The following VKORC1 variants were observed in gnomAD, a reference collection of about 807,000 sequenced individuals.
VKORC1 encodes vitamin K epoxide reductase complex subunit 1, also known as phylloquinone epoxide reductase.
VKORC1 carries 12 observed loss-of-function variants against 14.8 expected under a neutral mutation model. The observed-to-expected ratio is 0.81, with a 90% CI of 0.52 to 1.31. The LOEUF (loss-of-function observed/expected upper bound fraction) is 1.31. VKORC1 is among the 50% of genes most tolerant of loss of function. VKORC1 has a pLI of 0.00. For missense variants in VKORC1, 223 were observed against 215.3 expected, an observed-to-expected ratio of 1.04 and a Z score of -0.22; for synonymous variants, 94 against 92.5, an observed-to-expected ratio of 1.02 and a Z score of -0.09.
At chr16:31,094,500 A>G (rs1291242225) in intron 1 of VKORC1, 57 bp downstream of exon 1, 1 of 1,612,780 alleles carries the variant, frequency 6.2e-7, no homozygotes, top group Non-Finnish European at 8.5e-7. Flanking sequence ...CAGAATAATC[A>G]TCTGGCATCC....
rs767508384 is a variant in VKORC1, at chr16:31,094,712, C to T, written c.18G>A (p.Gly6=). The T allele has an allele frequency of 1.4e-5, 22 of 1,606,636 alleles. No homozygotes were observed. The highest frequency in any genetic ancestry group is 5.0e-5 in the Admixed American group (3 of 59,442). MGSTW[G]SPGWVRLALC... is the part of the protein sequence containing the mutation. ...GAGCGAGCCGCACCCAGCCAGGGCT[C>T]CCCCAGGTGCTGCCCATTATCTCCA... Residue 6 remains glycine, a synonymous_variant, in exon 1 of 3, where the codon GGG becomes GGA. Transcript: ENST00000394975.
chr16:31,094,422 C>T, intron 1 of VKORC1, 135 bp downstream of exon 1: 1 of 1,612,946 alleles, frequency 6.2e-7, no homozygotes, highest in South Asian at 1.1e-5. Flanking sequence ...GTAGCTCAGC[C>T]CCTGTGCAAC....
chr16:31,093,439 T>G lies in VKORC1; in HGVS notation c.174-18A>C. On this transcript the variant is annotated intron_variant, in intron 1 of 2. Transcript: ENST00000394975. ...TGCCCCACCTGGCAGAGGGGTGGGG[T>G]GGGGTGGAACCAGGTTAGGACTGTC... The G allele has an allele frequency of 6.2e-7, 1 of 1,613,966 alleles. No individual in the cohort carries two copies. The highest frequency in any genetic ancestry group is 8.5e-7 in the Non-Finnish European group (1 of 1,179,968).
At chr16:31,094,376 G>A (rs2057313065) in intron 1 of VKORC1, 181 bp downstream of exon 1, 1 of 1,612,932 alleles carries the variant, frequency 6.2e-7, no homozygotes, top group South Asian at 1.1e-5. Context: ...CTGGTCCCTT[G>A]CCTCGCACTC....
chr16:31,093,699 C>CTT (rs71151446), intron 1 of VKORC1: 1,926 of 67,646 alleles, frequency 0.028, 372 homozygotes, highest in South Asian at 0.091. Context: ...AAGTAAGTCT[C>CTT]TTTTTTTTTT....
intron 1 of VKORC1, chr16:31,094,080 A>G: frequency 7.6e-7 from 1 of 1,314,142 alleles, no homozygotes; most frequent in Non-Finnish European, 1.0e-6. Flanking sequence ...AGTCGGGGGC[A>G]GATTATCTTT....
rs886825177 is a variant in VKORC1 at position 31,091,071 on chromosome 16, C to T, written c.*63G>A. 4 of 1,594,666 alleles carry T rather than the reference C, an allele frequency of 2.5e-6. No individual in the cohort carries two copies. The highest frequency in any genetic ancestry group is 4.5e-5 in the East Asian group (2 of 44,470). On this transcript the variant is annotated 3_prime_UTR_variant, in exon 3 of 3. Coordinates refer to ENST00000394975, the MANE Select transcript of VKORC1 (RefSeq NM_024006.6). Reference sequence around the variant, plus strand: ...GCCTTCTAGGGACCCAGATATGCCCCCTTAGGCAAGGCTCACATGCCAAAG... The same window carrying T: ...GCCTTCTAGGGACCCAGATATGCCCTCTTAGGCAAGGCTCACATGCCAAAG...
intron 1 of VKORC1, chr16:31,094,265 C>T (rs2057312279): frequency 1.9e-6 from 3 of 1,612,636 alleles, no homozygotes; most frequent in Non-Finnish European, 2.5e-6. Flanking sequence ...CATCGTCAAT[C>T]TCTACCGCCA....
In VKORC1 at chr16:31,093,699, CTTTTTTTTTTTTTTT is replaced by C. The variant is rs71151446; in HGVS notation, c.174-293_174-279del. On this transcript the variant is annotated intron_variant, in intron 1 of 2. Coordinates refer to ENST00000394975, the MANE Select transcript of VKORC1 (RefSeq NM_024006.6). ...TTCATCTTAGACCTTAAGTAAGTCT[CTTTTTTTTTTTTTTT>C]TTTTTTTTTTTTGAGACGGAGTCTC... is the stretch of plus-strand genomic sequence containing the variant. The C allele has an allele frequency of 1.3e-4, 9 of 68,082 alleles. 1 individual carries two copies. The highest frequency in any genetic ancestry group is 9.6e-4 in the Admixed American group (4 of 4,154). 4.2% of individuals were successfully genotyped at this position (68,082 alleles called of 1,614,324 possible). A position where few individuals can be genotyped will look rare whatever the true frequency, so the allele number is the denominator to read the frequency against.
In VKORC1 at chr16:31,094,570, C is replaced by G; in HGVS notation, c.160G>C (p.Val54Leu). 1.9e-6 allele frequency: 3 copies of G among 1,611,566 alleles called. No individual in the cohort carries two copies. The highest frequency in any genetic ancestry group is 2.5e-6 in the Non-Finnish European group (3 of 1,179,456). ...DVGTAISCSR[V>L]FSSRWGRGFG... ...TCCCGTGCACACCTGGAGGAGAAGA[C>G]GCGCGAACAGCTGATGGCGGTGCCC... is the stretch of plus-strand genomic sequence containing the variant. Residue 54 changes from valine (V) to leucine (L), a missense_variant, in exon 1 of 3, where the codon GTC (valine) becomes CTC (leucine). Physicochemically the swap from Val to Leu is conservative, Grantham distance 32. Transcript: ENST00000394975.
rs71151446 is a variant in VKORC1 at position 31,093,699 on chromosome 16, CTTTTTTTTT to C, written c.174-287_174-279del. On this transcript the variant is annotated intron_variant, in intron 1 of 2. Coordinates refer to ENST00000394975, the MANE Select transcript of VKORC1 (RefSeq NM_024006.6). ...TTCATCTTAGACCTTAAGTAAGTCT[CTTTTTTTTT>C]TTTTTTTTTTTTTTTTTTGAGACGG... 9.8e-4 allele frequency: 67 copies of C among 68,092 alleles called. 1 individual carries two copies. The highest frequency in any genetic ancestry group is 2.8e-3 in the South Asian group (12 of 4,268). The allele number at this position is 68,092 out of a possible 1,614,324, so 4.2% of individuals were successfully genotyped here.
Position 31,094,654 on chromosome 16 carries a change from C to A in VKORC1, c.76G>T (p.Ala26Ser), listed in dbSNP as rs770703948. Residue 26 changes from alanine to serine, a missense_variant, in exon 1 of 3, where the codon GCG becomes TCG. Transcript: ENST00000394975. ...GCGCGCGCCGCCTTCACGTGCAGCG[C>A]GTAGAGCGAGAGCACTAAGCCCGTC... ...CLTGLVLSLY[A>S]LHVKAARARD... 6.2e-7 allele frequency: 1 copy of A among 1,607,484 alleles called. No individual in the cohort carries two copies.
At chr16:31,093,610 A>C in intron 1 of VKORC1, 189 bp from the exon 2 acceptor site, 1 of 1,434,510 alleles carries the variant, frequency 7.0e-7, no homozygotes, top group African/African-American at 1.4e-5. Context: ...ATTCCATGTC[A>C]CTGACCCTAT....
At chr16:31,093,050 C>A (rs2057300066) in intron 2 of VKORC1, among the ~76,000 whole-genome samples, 1 of 151,868 alleles carries the variant, frequency 6.6e-6, no homozygotes, top group African/African-American at 2.4e-5. Context: ...CAGAGCCAGA[C>A]CCTGTCTCAA....
intron 1 of VKORC1, 86 bp downstream of exon 1, chr16:31,094,471 G>A (rs1472224667): frequency 5.0e-6 from 8 of 1,612,842 alleles, no homozygotes; most frequent in Non-Finnish European, 5.9e-6. Context: ...CGTTCCCCGG[G>A]CACACCGATC....
intron 2 of VKORC1, among the ~76,000 whole-genome samples, chr16:31,091,973 A>G (rs956190590): frequency 3.3e-5 from 5 of 151,994 alleles, no homozygotes; most frequent in Non-Finnish European, 5.9e-5. Flanking sequence ...AGGTCAAGAG[A>G]TTGAGACCAT....
chr16:31,090,969 G>A lies in VKORC1; in HGVS notation c.*165C>T. On this transcript the variant is annotated 3_prime_UTR_variant, in exon 3 of 3. Coordinates refer to ENST00000394975, the MANE Select transcript of VKORC1 (RefSeq NM_024006.6). ...AGGCACTGGGTGTAAAAAAGAGCGA[G>A]CGTGTGGCACATTTGGTCCATTGTC... is the stretch of plus-strand genomic sequence containing the variant. 1 of 1,163,924 alleles carries A rather than the reference G, an allele frequency of 8.6e-7. No homozygotes were observed. Among genetic ancestry groups the A allele is most frequent in the Non-Finnish European group, 1.2e-6 (1 of 827,508 alleles). 72.1% of individuals were successfully genotyped at this position (1,163,924 alleles called of 1,614,324 possible). A position where few individuals can be genotyped will look rare whatever the true frequency, so the allele number is the denominator to read the frequency against.
rs1355041443 is a variant in VKORC1, at chr16:31,091,295, G to C, written c.331C>G (p.Leu111Val). 1 of 1,614,016 alleles carries C rather than the reference G, an allele frequency of 6.2e-7. No homozygotes were observed. Among genetic ancestry groups the C allele is most frequent in the African/African-American group, 1.3e-5 (1 of 74,926 alleles). Residue 111 changes from leucine (L) to valine (V), a missense_variant, in exon 3 of 3, where the codon CTG (leucine) becomes GTG (valine). Coordinates refer to ENST00000394975, the MANE Select transcript of VKORC1 (RefSeq NM_024006.6). Reference protein sequence around the residue: ...WASVLMLLSSLVSLAGSVYLA... With the variant: ...WASVLMLLSSVVSLAGSVYLA... ...TAGACAGAACCAGCGAGAGACACCA[G>C]GGAGCTCAGCAGCATCAGGACAGAG... is the stretch of plus-strand genomic sequence containing the variant.
intron 2 of VKORC1, among the ~76,000 whole-genome samples, chr16:31,092,329 A>T (rs77964654): frequency 7.4e-6 from 1 of 135,810 alleles, no homozygotes; most frequent in African/African-American, 2.7e-5. Flanking sequence ...ATTATTTCTT[A>T]AAAAAAAAAA....
Sources: gnomAD v4.1 joint callset for allele counts (sites outside exome capture counted in the v4.1 genomes callset) on GRCh38, gnomAD v4.1.1 for gene constraint, MANE v1.5 for transcripts, NCBI Gene and HGNC (gene_info 2026-07-23, HGNC 2026-07-21) for gene names.